The following MYH10 variants were observed in gnomAD, a reference collection of about 807,000 sequenced individuals.
MYH10 encodes the protein myosin-10.
A neutral mutation model predicts 257.8 loss-of-function variants in MYH10; 55 were observed. The observed-to-expected ratio is 0.21, with a 90% CI of 0.17 to 0.27. The LOEUF (loss-of-function observed/expected upper bound fraction) is 0.27. Ranked by LOEUF, MYH10 falls within the 10% of genes least tolerant of loss-of-function variation. MYH10 has a pLI of 1.00. For missense variants in MYH10, 1,631 were observed against 2,500.6 expected (o/e 0.65, Z 7.42); for synonymous variants, 854 against 921.7 (o/e 0.93, Z 1.33).
rs537008138 is a variant in MYH10, at chr17:8,622,946, C to T, written c.301G>A (p.Val101Ile). The T allele has an allele frequency of 4.3e-6, 7 of 1,614,112 alleles. No homozygotes were observed. Among genetic ancestry groups the T allele is most frequent in the Middle Eastern group, 1.6e-4 (1 of 6,062 alleles). ...TAGCGATCCTTCAGATTATGTAAAA[C>T]GGAAGCTTCATTCAAGCATGTCAAT... ...AELTCLNEAS[V>I]LHNLKDRYYS... The change falls in exon 2 of 43, where the codon GTT (valine) becomes ATT (isoleucine). Residue 101 changes from valine to isoleucine, a missense_variant. Transcript: ENST00000360416.
intron 3 of MYH10, among the ~76,000 whole-genome samples, chr17:8,601,722 T>TTTCATTTA (rs1555614760): frequency 6.6e-6 from 1 of 152,226 alleles, no homozygotes; most frequent in Non-Finnish European, 1.5e-5. Context: ...AGAACTCTGC[T>TTTCATTTA]TTCATTCATT....
intron 6 of MYH10, among the ~76,000 whole-genome samples, chr17:8,572,337 A>G (rs1326693084): frequency 6.6e-6 from 1 of 151,668 alleles, no homozygotes; most frequent in Non-Finnish European, 1.5e-5. Flanking sequence ...ACCTGGTTGT[A>G]TCCCCTGTGC....
intron 3 of MYH10, among the ~76,000 whole-genome samples, chr17:8,593,524 TTAA>T (rs1443806880): frequency 1.3e-5 from 2 of 152,144 alleles, no homozygotes; most frequent in Non-Finnish European, 2.9e-5. Context: ...TTTCTATATA[TTAA>T]TAATGAACAA....
rs902721390 is a variant in MYH10, at chr17:8,495,871, G to A, written c.3952-630C>T. Among the ~76,000 whole-genome samples the A allele has an allele frequency of 1.1e-4, 17 of 151,974 alleles. 1 individual carries two copies. The highest frequency in any genetic ancestry group is 1.7e-4 in the African/African-American group (7 of 41,394). On this transcript the variant is annotated intron_variant, in intron 30 of 42. Coordinates refer to ENST00000360416, the MANE Select transcript of MYH10 (RefSeq NM_001256012.3). ...ATTACAGGCGCTTGCTACCGCGCCC[G>A]TCTAATTTTTTGTATCTTTAGTAGA...
Position 8,545,438 on chromosome 17 carries a change from G to A in MYH10, c.1431+10C>T. 1 of 1,612,856 alleles carries A rather than the reference G, an allele frequency of 6.2e-7. No homozygotes were observed. The highest frequency in any genetic ancestry group is 8.5e-7 in the Non-Finnish European group (1 of 1,179,670). The stretch of plus-strand genomic sequence containing the variant: ...AGAAGGACGAGCTAGAGGAAGAGGG[G>A]GAAGAATACCTCAAAAATTTCAAAT... On this transcript the variant is annotated intron_variant, in intron 13 of 42. Transcript: ENST00000360416. The surrounding 1 kb of genome is among the most constrained non-coding windows in gnomAD (Gnocchi z 4.7).
chr17:8,528,639 G>C (rs957874648), intron 17 of MYH10, among the ~76,000 whole-genome samples: 1 of 152,088 alleles, frequency 6.6e-6, no homozygotes, highest in South Asian at 2.1e-4. Context: ...TGTGTCACCT[G>C]CTTTAGAGAG....
Position 8,607,844 on chromosome 17 carries a change from A to T in MYH10, c.346-2862T>A, listed in dbSNP as rs78876318. Among the ~76,000 whole-genome samples the T allele has an allele frequency of 0.012, 1,782 of 152,306 alleles. 38 individuals are homozygous for T. The East Asian group carries it at 0.13, about 11-fold the overall frequency. On this transcript the variant is annotated intron_variant, in intron 2 of 42. Coordinates refer to ENST00000360416, the MANE Select transcript of MYH10 (RefSeq NM_001256012.3). ...AAGAGAAAGAGAAAGATGAACTGGT[A>T]TTATAAATAACAGAAAGCTCTGGGG...
chr17:8,589,195 A>T, intron 3 of MYH10, 87 bp from the exon 4 acceptor site: 1 of 1,383,796 alleles, frequency 7.2e-7, no homozygotes, highest in Non-Finnish European at 1.0e-6. Flanking sequence ...TTGCAGTAAT[A>T]GCCTATAAAA....
At position 8,557,554 on chromosome 17, in the gene MYH10, G is replaced by A. The variant is rs371000892; in HGVS notation, c.757-3536C>T. Among the ~76,000 whole-genome samples, 18 of 152,096 alleles carry A rather than the reference G, an allele frequency of 1.2e-4. 1 individual carries two copies. In the East Asian group the frequency reaches 3.5e-3, roughly 29 times the overall value. ...TCTATTTCACGTTATCTGACAGCAC[G>A]GCTTTGCACTAAGAAATACTTGACG... On this transcript the variant is annotated intron_variant, in intron 7 of 42. Transcript: ENST00000360416.
chr17:8,506,942 A>T lies in MYH10; in HGVS notation c.3215-453T>A, dbSNP rs1434335283. 6.6e-6 allele frequency among the ~76,000 whole-genome samples: 1 copy of T among 152,170 alleles called. No homozygotes were observed. On this transcript the variant is annotated intron_variant, in intron 26 of 42. Transcript: ENST00000360416. The surrounding 1 kb of genome is among the most constrained non-coding windows in gnomAD (Gnocchi z 5.0). ...ATCCTCGAGTACTGGGAGAGAGGAG[A>T]CAGAAGAGTGGGCAGAGAGGGCCAG...
At chr17:8,532,891 C>T (rs1380590864) in intron 16 of MYH10, among the ~76,000 whole-genome samples, 1 of 151,984 alleles carries the variant, frequency 6.6e-6, no homozygotes, top group Non-Finnish European at 1.5e-5. Context: ...GTTTCCAACA[C>T]CATTTTTGGT....
At chr17:8,565,120 A>G (rs2083123414) in intron 7 of MYH10, among the ~76,000 whole-genome samples, 1 of 152,226 alleles carries the variant, frequency 6.6e-6, no homozygotes, top group Non-Finnish European at 1.5e-5. Context: ...GACATAAAGG[A>G]ACAAATTTTG....
intron 7 of MYH10, among the ~76,000 whole-genome samples, chr17:8,558,766 C>CT (rs1447804524): frequency 1.3e-5 from 2 of 152,184 alleles, no homozygotes; most frequent in East Asian, 3.8e-4. Context: ...AGAGAAAGAT[C>CT]TTTTTTGCTC....
At chr17:8,583,566 G>A (rs79231926) in intron 4 of MYH10, among the ~76,000 whole-genome samples, 1 of 152,150 alleles carries the variant, frequency 6.6e-6, no homozygotes, top group Non-Finnish European at 1.5e-5. Flanking sequence ...TCATGGCAGA[G>A]CTGGGAGAAG....
intron 7 of MYH10, among the ~76,000 whole-genome samples, chr17:8,557,840 G>T (rs375425023): frequency 1.3e-5 from 2 of 152,148 alleles, no homozygotes; most frequent in African/African-American, 4.8e-5. Flanking sequence ...AGTGAAAGTC[G>T]ACAATGTAAT....
At chr17:8,527,458 G>A (rs867531006) in intron 17 of MYH10, among the ~76,000 whole-genome samples, 10 of 152,314 alleles carry the variant, frequency 6.6e-5, no homozygotes, top group South Asian at 4.1e-4. Context: ...CTCTGCGCTC[G>A]CTTTCTCCCG....
Position 8,492,648 on chromosome 17 carries a change from T to G in MYH10, c.4458+128A>C, listed in dbSNP as rs868411318. Reference sequence around the variant, plus strand: ...TGTATTTCCTTTTTTTTTTTTTTTTTGCTTTCCCTTTTTCCAATTTTGATA... The same window carrying G: ...TGTATTTCCTTTTTTTTTTTTTTTTGGCTTTCCCTTTTTCCAATTTTGATA... On this transcript the variant is annotated intron_variant, in intron 33 of 42. Coordinates refer to ENST00000360416, the MANE Select transcript of MYH10 (RefSeq NM_001256012.3). 3.2e-4 allele frequency: 365 copies of G among 1,138,342 alleles called. No homozygotes were observed. In the African/African-American group the frequency reaches 4.5e-3, roughly 14 times the overall value. The allele number at this position is 1,138,342 out of a possible 1,614,324, so 70.5% of individuals were successfully genotyped here.
intron 3 of MYH10, among the ~76,000 whole-genome samples, chr17:8,602,044 C>T (rs145607975): frequency 5.4e-4 from 81 of 149,104 alleles, no homozygotes; most frequent in African/African-American, 1.9e-3. Context: ...GTCACGATCT[C>T]GGCTCACTGC....
chr17:8,536,523 T>G (rs562759958), intron 14 of MYH10, among the ~76,000 whole-genome samples: 1 of 152,150 alleles, frequency 6.6e-6, no homozygotes, highest in Non-Finnish European at 1.5e-5. Context: ...TTTTATGTGA[T>G]GCAATTATTA....
Sources: allele counts gnomAD v4.1 joint callset (sites outside exome capture counted in the v4.1 genomes callset), GRCh38; gene constraint gnomAD v4.1.1; non-coding constraint Gnocchi (gnomAD v3.1); transcripts MANE v1.5; gene names NCBI Gene and HGNC (gene_info 2026-07-23, HGNC 2026-07-21).